The following GALNT2 variants were observed in gnomAD, a reference collection of about 807,000 sequenced individuals.
The protein encoded by GALNT2 is UDP-GalNAc:polypeptide N-acetylgalactosaminyltransferase 2.
In GALNT2, 31 loss-of-function variants were observed where a neutral mutation model predicts 81.4. The observed-to-expected ratio is 0.38, with a 90% CI of 0.29 to 0.51. GALNT2 has a LOEUF of 0.51. Among genes scored for constraint, GALNT2 ranks in the 20% least tolerant of loss-of-function variants. The probability of loss-of-function intolerance (pLI) is 0.87; values close to 1 mark genes in which losing one functional copy is unlikely to be tolerated. For synonymous variants in GALNT2, 303 were observed against 287.4 expected, an observed-to-expected ratio of 1.05 and a Z score of -0.55; for missense variants, 629 against 765.7, an observed-to-expected ratio of 0.82 and a Z score of 2.11.
At chr1:230,276,125 G>T (rs1558174740) in intron 15 of GALNT2, among the ~76,000 whole-genome samples, 1 of 150,154 alleles carries the variant, frequency 6.7e-6, no homozygotes, top group African/African-American at 2.5e-5. Context: ...AGACACCACA[G>T]ATATATACAT....
chr1:230,234,715 G>C (rs952190374), intron 3 of GALNT2, among the ~76,000 whole-genome samples: 2 of 152,150 alleles, frequency 1.3e-5, no homozygotes, highest in Non-Finnish European at 2.9e-5. Flanking sequence ...AGAAGTCCTC[G>C]TGGGCTGTCA....
In GALNT2 at chr1:230,142,299, C is replaced by T. The variant is rs139505306; in HGVS notation, c.127-35919C>T. Among the ~76,000 whole-genome samples the T allele has an allele frequency of 3.8e-3, 585 of 152,276 alleles. 3 individuals carry two copies. The highest frequency in any genetic ancestry group is 6.7e-3 in the Non-Finnish European group (458 of 68,018). On this transcript the variant is annotated intron_variant, in intron 1 of 15. Transcript: ENST00000366672. ...ACTTCTTTCCACATCAGCATTCTTC[C>T]GCACTTGGGCCACACAGGGTCTGCG...
intron 1 of GALNT2, among the ~76,000 whole-genome samples, chr1:230,147,301 A>T (rs557180530): frequency 6.6e-6 from 1 of 152,348 alleles, no homozygotes; most frequent in South Asian, 2.1e-4. Flanking sequence ...AGTTTCCAAG[A>T]TCGACCGTGA....
At chr1:230,086,008 C>T (rs1409130771) in intron 1 of GALNT2, among the ~76,000 whole-genome samples, 2 of 152,212 alleles carry the variant, frequency 1.3e-5, no homozygotes, top group African/African-American at 4.8e-5. Context: ...TGATTGGAAA[C>T]TGCTTGCTGA....
intron 1 of GALNT2, among the ~76,000 whole-genome samples, chr1:230,145,387 T>C (rs1376170387): frequency 6.6e-6 from 1 of 152,252 alleles, no homozygotes; most frequent in Non-Finnish European, 1.5e-5. Flanking sequence ...GGGTTTGTCC[T>C]GGAAATCCTG....
chr1:230,071,660 C>T lies in GALNT2; in HGVS notation c.126+4254C>T, dbSNP rs186540557. ...CTTGGTGGATGCGGAGGGGAACACC[C>T]ATACCACTCCTTGCCACCTATCATC... On this transcript the variant is annotated intron_variant, in intron 1 of 15. Coordinates refer to ENST00000366672, the MANE Select transcript of GALNT2 (RefSeq NM_004481.5). Among the ~76,000 whole-genome samples, 651 of 152,226 alleles carry T rather than the reference C, an allele frequency of 4.3e-3. 3 individuals are homozygous for T. The highest frequency in any genetic ancestry group is 6.8e-3 in the Middle Eastern group (2 of 294).
At chr1:230,138,148 C>T (rs1353624021) in intron 1 of GALNT2, among the ~76,000 whole-genome samples, 1 of 152,132 alleles carries the variant, frequency 6.6e-6, no homozygotes, top group African/African-American at 2.4e-5. Context: ...TCATCCAGAC[C>T]CCAAAGGACG....
intron 3 of GALNT2, among the ~76,000 whole-genome samples, chr1:230,231,451 G>T (rs1242046508): frequency 4.6e-5 from 7 of 152,138 alleles, no homozygotes; most frequent in Admixed American, 3.3e-4. Context: ...CTATTTCTTT[G>T]TTCCTCCCAA....
chr1:230,249,565 G>A (rs1558160745), intron 9 of GALNT2, among the ~76,000 whole-genome samples: 1 of 152,220 alleles, frequency 6.6e-6, no homozygotes. Context: ...CAGGATCTCC[G>A]AGCTGACCCC....
chr1:230,195,402 C>T (rs1663660075), intron 2 of GALNT2, among the ~76,000 whole-genome samples: 1 of 152,114 alleles, frequency 6.6e-6, no homozygotes, highest in Non-Finnish European at 1.5e-5. Context: ...TGGGATAGAG[C>T]TCTGCGTGAG....
chr1:230,108,742 A>G (rs1660613342), intron 1 of GALNT2, among the ~76,000 whole-genome samples: 1 of 152,240 alleles, frequency 6.6e-6, no homozygotes, highest in Admixed American at 6.5e-5. Context: ...CAATGCTGAC[A>G]GCACCGCACA....
intron 13 of GALNT2, chr1:230,263,434 G>A (rs377584090): frequency 1.7e-5 from 3 of 175,424 alleles, no homozygotes; most frequent in East Asian, 1.6e-4. Flanking sequence ...GATCTGCTGC[G>A]CTCACCCTTG....
Position 230,279,467 on chromosome 1 carries a change from G to A in GALNT2, c.*9G>A, listed in dbSNP as rs529381347. 1.2e-5 allele frequency: 19 copies of A among 1,612,380 alleles called. No homozygotes were observed. The highest frequency in any genetic ancestry group is 1.7e-4 in the Middle Eastern group (1 of 5,994). On this transcript the variant is annotated 3_prime_UTR_variant, in exon 16 of 16. Coordinates refer to ENST00000366672, the MANE Select transcript of GALNT2 (RefSeq NM_004481.5). The surrounding 1 kb of genome is among the most constrained non-coding windows in gnomAD (Gnocchi z 4.6). ...TCAACCTGCAGCAGTAGGAGGGTCC[G>A]GGAGGCCCTGCCGTCCTGTCTCCTG...
chr1:230,214,554 G>A (rs1263002548), intron 3 of GALNT2, among the ~76,000 whole-genome samples: 1 of 152,054 alleles, frequency 6.6e-6, no homozygotes, highest in Non-Finnish European at 1.5e-5. Context: ...TGTTCTTTTT[G>A]AAGACATTTG....
chr1:230,098,984 G>A (rs1006656248), intron 1 of GALNT2, among the ~76,000 whole-genome samples: 31 of 152,290 alleles, frequency 2.0e-4, no homozygotes, highest in Non-Finnish European at 1.6e-4. Flanking sequence ...GGCTGGTCAC[G>A]TGCCCCCCTT....
chr1:230,167,643 G>A (rs1258630071), intron 1 of GALNT2, among the ~76,000 whole-genome samples: 2 of 152,224 alleles, frequency 1.3e-5, no homozygotes, highest in African/African-American at 4.8e-5. Flanking sequence ...AAGCAGCCTT[G>A]CGGGGATATT....
chr1:230,260,621 A>AT (rs1321040188), intron 11 of GALNT2, among the ~76,000 whole-genome samples: 2 of 152,216 alleles, frequency 1.3e-5, no homozygotes, highest in Admixed American at 1.3e-4. Context: ...TGTTACAAGT[A>AT]TTTAAGTTAA....
At chr1:230,150,509 G>A (rs1662059956) in intron 1 of GALNT2, among the ~76,000 whole-genome samples, 1 of 152,250 alleles carries the variant, frequency 6.6e-6, no homozygotes, top group Non-Finnish European at 1.5e-5. Context: ...CGCAACCTTT[G>A]CAGAGAAGTG....
intron 10 of GALNT2, among the ~76,000 whole-genome samples, chr1:230,253,001 C>T (rs1348949108): frequency 4.0e-5 from 6 of 151,808 alleles, no homozygotes; most frequent in East Asian, 1.9e-4. Context: ...CATGTGCCAC[C>T]GTGCCCGGCT....
Sources: allele counts gnomAD v4.1 joint callset (sites outside exome capture counted in the v4.1 genomes callset), GRCh38; gene constraint gnomAD v4.1.1; non-coding constraint Gnocchi (gnomAD v3.1); transcripts MANE v1.5; gene names NCBI Gene and HGNC (gene_info 2026-07-23, HGNC 2026-07-21).